The following GPC5 variants were observed in gnomAD, a reference collection of about 807,000 sequenced individuals.
GPC5 encodes the protein glypican-5.
A neutral mutation model predicts 53.9 loss-of-function variants in GPC5; 47 were observed. That is an observed-to-expected ratio of 0.87 (90% confidence interval 0.69 to 1.11). The LOEUF is 1.11. GPC5 is among the 50% of genes most tolerant of loss of function. The probability of loss-of-function intolerance (pLI) is 0.00; values close to 1 mark genes in which losing one functional copy is unlikely to be tolerated. For synonymous variants in GPC5, 286 were observed against 263.3 expected (o/e 1.09, Z -0.84); for missense variants, 748 against 713.1 (o/e 1.05, Z -0.56).
At chr13:91,452,918 A>T (rs956385608) in intron 2 of GPC5, among the ~76,000 whole-genome samples, 1 of 151,854 alleles carries the variant, frequency 6.6e-6, no homozygotes, top group Non-Finnish European at 1.5e-5. Context: ...ACCTTTTCTT[A>T]TTTCTTTCAA....
intron 2 of GPC5, among the ~76,000 whole-genome samples, chr13:91,685,121 TACAA>T (rs377713018): frequency 0.021 from 3,189 of 151,998 alleles, 100 homozygotes; most frequent in African/African-American, 0.069. Context: ...ACACTGTCTC[TACAA>T]ACAAACAAAC....
At chr13:92,628,337 G>A (rs781538589) in intron 7 of GPC5, among the ~76,000 whole-genome samples, 1 of 131,270 alleles carries the variant, frequency 7.6e-6, no homozygotes, top group African/African-American at 2.8e-5. Flanking sequence ...GTGCAGTGGG[G>A]CAGTCTTGGC....
chr13:91,624,214 C>T (rs1340455097), intron 2 of GPC5, among the ~76,000 whole-genome samples: 1 of 152,134 alleles, frequency 6.6e-6, no homozygotes. Flanking sequence ...GAGAGCTAGA[C>T]TGTCAAAAAT....
chr13:92,561,699 G>A (rs1295852348), intron 7 of GPC5, among the ~76,000 whole-genome samples: 1 of 152,002 alleles, frequency 6.6e-6, no homozygotes, highest in Non-Finnish European at 1.5e-5. Context: ...ATTTAGTAAA[G>A]TTGTCTTCAT....
At chr13:92,664,189 C>G (rs1467809102) in intron 7 of GPC5, among the ~76,000 whole-genome samples, 1 of 151,834 alleles carries the variant, frequency 6.6e-6, no homozygotes, top group African/African-American at 2.4e-5. Flanking sequence ...TAAGGCTAGT[C>G]TGGAGAATGA....
intron 2 of GPC5, among the ~76,000 whole-genome samples, chr13:91,478,281 T>G (rs1883049913): frequency 6.6e-6 from 1 of 152,198 alleles, no homozygotes; most frequent in African/African-American, 2.4e-5. Flanking sequence ...GCCTTTTGAT[T>G]GGTGTATGCA....
intron 7 of GPC5, among the ~76,000 whole-genome samples, chr13:92,515,682 C>T (rs1880747312): frequency 6.6e-6 from 1 of 152,022 alleles, no homozygotes; most frequent in Middle Eastern, 3.2e-3. Context: ...ATCAATAAGA[C>T]ACAGTGTAAT....
chr13:92,213,091 A>C (rs2042386604), intron 7 of GPC5, among the ~76,000 whole-genome samples: 1 of 152,194 alleles, frequency 6.6e-6, no homozygotes, highest in Admixed American at 6.5e-5. Context: ...ACAGCCCAGA[A>C]GAAAGGGAGG....
intron 7 of GPC5, among the ~76,000 whole-genome samples, chr13:92,570,817 G>A (rs1302058648): frequency 1.3e-5 from 2 of 151,830 alleles, no homozygotes; most frequent in East Asian, 3.9e-4. Flanking sequence ...TATTTTTATG[G>A]CACCTTTACA....
intron 7 of GPC5, among the ~76,000 whole-genome samples, chr13:92,824,725 T>TTA (rs1555315937): frequency 1.1e-4 from 1 of 8,720 alleles, no homozygotes; most frequent in African/African-American, 3.9e-4. Flanking sequence ...AAATGCCTTT[T>TTA]GAAAAAAAAA....
At chr13:91,688,825 C>A (rs2035678870) in intron 2 of GPC5, among the ~76,000 whole-genome samples, 2 of 151,842 alleles carry the variant, frequency 1.3e-5, no homozygotes. Context: ...GTTTGTAATG[C>A]ACTGGTAAAT....
intron 7 of GPC5, among the ~76,000 whole-genome samples, chr13:92,184,278 T>A (rs191696202): frequency 6.6e-6 from 1 of 152,314 alleles, no homozygotes; most frequent in Non-Finnish European, 1.5e-5. Context: ...AATATCAAAC[T>A]GCTCTAGTTG....
At chr13:92,785,766 C>T (rs2138767635) in intron 7 of GPC5, among the ~76,000 whole-genome samples, 1 of 152,286 alleles carries the variant, frequency 6.6e-6, no homozygotes, top group East Asian at 1.9e-4. Flanking sequence ...AAGTCCAGGT[C>T]TGCAATTTAC....
intron 7 of GPC5, among the ~76,000 whole-genome samples, chr13:92,410,673 C>T (rs1040860842): frequency 1.3e-5 from 2 of 152,120 alleles, no homozygotes; most frequent in African/African-American, 2.4e-5. Context: ...CCAAAATGTT[C>T]GCAAGACTTT....
chr13:91,780,589 T>C lies in GPC5; in HGVS notation c.1280+24169T>C, dbSNP rs115415860. On this transcript the variant is annotated intron_variant, in intron 5 of 7. Coordinates refer to ENST00000377067, the MANE Select transcript of GPC5 (RefSeq NM_004466.6). ...CTGTTATTGTTTCCCCAACAGATTG[T>C]TTGGAAACTTGAAGTCAATGCATAA... 6.7e-3 allele frequency among the ~76,000 whole-genome samples: 1,022 copies of C among 152,324 alleles called. 9 individuals are homozygous for C. Among genetic ancestry groups the C allele is most frequent in the African/African-American group, 0.023 (967 of 41,558 alleles).
intron 7 of GPC5, among the ~76,000 whole-genome samples, chr13:92,631,481 C>A (rs910431389): frequency 6.6e-6 from 1 of 151,970 alleles, no homozygotes; most frequent in African/African-American, 2.4e-5. Flanking sequence ...GAAACACAAC[C>A]ATGTGAAATT....
intron 7 of GPC5, among the ~76,000 whole-genome samples, chr13:92,297,878 T>C (rs1465098544): frequency 6.6e-6 from 1 of 151,960 alleles, no homozygotes; most frequent in Non-Finnish European, 1.5e-5. Flanking sequence ...GCTGTAACAC[T>C]CACCGCGAAG....
intron 6 of GPC5, among the ~76,000 whole-genome samples, chr13:92,093,670 C>T (rs1317524789): frequency 6.6e-6 from 1 of 152,130 alleles, no homozygotes; most frequent in East Asian, 1.9e-4. Context: ...CCTGTAAGTG[C>T]AATTCTACTT....
chr13:92,716,054 C>T (rs1888318454), intron 7 of GPC5, among the ~76,000 whole-genome samples: 1 of 151,982 alleles, frequency 6.6e-6, no homozygotes, highest in African/African-American at 2.4e-5. Flanking sequence ...AAGAAATATC[C>T]ATGATATAAG....
Sources: gnomAD v4.1 joint callset for allele counts (sites outside exome capture counted in the v4.1 genomes callset) on GRCh38, gnomAD v4.1.1 for gene constraint, MANE v1.5 for transcripts, NCBI Gene and HGNC (gene_info 2026-07-23, HGNC 2026-07-21) for gene names.